The following DDX1 variants were observed in gnomAD, a reference collection of about 807,000 sequenced individuals.
DDX1 encodes DEAD-box helicase 1, also known as ATP-dependent RNA helicase DDX1.
DDX1 carries 28 observed loss-of-function variants against 108.7 expected under a neutral mutation model. The observed-to-expected ratio is 0.26, with a 90% CI of 0.19 to 0.35. DDX1 has a LOEUF of 0.35. DDX1 is among the 10% of genes least tolerant of loss of function. DDX1 has a pLI of 1.00. For synonymous variants in DDX1, 295 were observed against 288.9 expected (o/e 1.02, Z -0.21); for missense variants, 710 against 884.5 (o/e 0.80, Z 2.50).
intron 6 of DDX1, among the ~76,000 whole-genome samples, chr2:15,600,393 T>G (rs1665570971): frequency 6.6e-6 from 1 of 152,228 alleles, no homozygotes; most frequent in Non-Finnish European, 1.5e-5. Context: ...AAGCAGTTAC[T>G]CTCAGAATGC....
At position 15,597,304 on chromosome 2, in the gene DDX1, C is replaced by G. The variant is rs543740796; in HGVS notation, c.163-71C>G. 5.2e-6 allele frequency: 5 copies of G among 969,304 alleles called. No homozygotes were observed. The African/African-American group carries it at 8.5e-5, about 16-fold the overall frequency. 60.0% of individuals were successfully genotyped at this position (969,304 alleles called of 1,614,324 possible). A position where few individuals can be genotyped will look rare whatever the true frequency, so the allele number is the denominator to read the frequency against. The stretch of plus-strand genomic sequence containing the variant: ...GTTGATGTGTGTGCATAACTTTTGT[C>G]ATTTATATTGGTTATTAAATTGTCG... On this transcript the variant is annotated intron_variant, in intron 4 of 25. Coordinates refer to ENST00000233084, the MANE Select transcript of DDX1 (RefSeq NM_004939.3).
At position 15,595,583 on chromosome 2, in the gene DDX1, A is replaced by G. The variant is rs372084715; in HGVS notation, c.132+30A>G. The stretch of plus-strand genomic sequence containing the variant: ...GTTTAAATTTGGTGAGGTGATTGGT[A>G]GCTGGGGACACACTCTAAGAATTGC... On this transcript the variant is annotated intron_variant, in intron 3 of 25. Coordinates refer to ENST00000233084, the MANE Select transcript of DDX1 (RefSeq NM_004939.3). 1.6e-4 allele frequency: 231 copies of G among 1,449,272 alleles called. 3 individuals are homozygous for G. The highest frequency in any genetic ancestry group is 2.2e-4 in the South Asian group (19 of 87,448). 89.8% of individuals were successfully genotyped at this position (1,449,272 alleles called of 1,614,324 possible). A position where few individuals can be genotyped will look rare whatever the true frequency, so the allele number is the denominator to read the frequency against.
In DDX1 at chr2:15,628,826, C is replaced by G. The variant is rs1666143469; in HGVS notation, c.1862C>G (p.Thr621Arg). 6.2e-7 allele frequency: 1 copy of G among 1,613,348 alleles called. No homozygotes were observed. The highest frequency in any genetic ancestry group is 1.3e-5 in the African/African-American group (1 of 74,960). ...RMGLAISLVA[T>R]EKEKVWYHVC... ...GGTCTGGCAATTTCCCTGGTGGCAA[C>G]AGAAAAAGAAAAGGTAATCTTTGTA... Residue 621 changes from threonine to arginine, a missense_variant, in exon 23 of 26, where the codon ACA (threonine) becomes AGA (arginine). By Grantham distance (71) the Thr-to-Arg change is moderately conservative. This residue lies in a region of DDX1 where 661 missense variants were observed against 810.2 expected (regional missense o/e 0.82). Transcript: ENST00000233084.
At chr2:15,616,408 T>C (rs182318448) in intron 14 of DDX1, among the ~76,000 whole-genome samples, 285 of 147,512 alleles carry the variant, frequency 1.9e-3, no homozygotes, top group African/African-American at 6.8e-3. Flanking sequence ...ATACAACTCA[T>C]AGGTAGAACT....
rs898170876 is a variant in DDX1, at chr2:15,595,556, A to G, written c.132+3A>G. 5 of 1,603,292 alleles carry G rather than the reference A, an allele frequency of 3.1e-6. No individual in the cohort carries two copies. Among genetic ancestry groups the G allele is most frequent in the African/African-American group, 1.3e-5 (1 of 74,878 alleles). ...TAGGAGGAGGTGATGTACTTATGGT[A>G]AGTTTAAATTTGGTGAGGTGATTGG... On this transcript the variant is annotated splice_donor_region_variant and intron_variant, in intron 3 of 25. Transcript: ENST00000233084.
intron 13 of DDX1, among the ~76,000 whole-genome samples, chr2:15,611,778 G>T (rs1316103978): frequency 1.9e-5 from 2 of 104,628 alleles, no homozygotes; most frequent in Non-Finnish European, 3.8e-5. Context: ...GTGGCTGGCC[G>T]GGCGGGGGGC....
chr2:15,620,534 T>A, intron 17 of DDX1, 138 bp downstream of exon 17: 1 of 587,630 alleles, frequency 1.7e-6, no homozygotes, highest in East Asian at 2.9e-5. Flanking sequence ...CCCTTAGACC[T>A]TTAAAAAGCA....
chr2:15,592,713 A>G (rs1171439501), intron 1 of DDX1, among the ~76,000 whole-genome samples: 2 of 152,162 alleles, frequency 1.3e-5, no homozygotes, highest in African/African-American at 4.8e-5. Context: ...TCAGCCTTAA[A>G]TGCGCTAAAC....
intron 19 of DDX1, among the ~76,000 whole-genome samples, chr2:15,624,422 A>AT (rs1304009877): frequency 1.3e-5 from 2 of 152,296 alleles, no homozygotes; most frequent in East Asian, 3.9e-4. Flanking sequence ...AGGCTGGGTA[A>AT]TTTATAAAGG....
chr2:15,608,322 G>A (rs556082603), intron 13 of DDX1, among the ~76,000 whole-genome samples: 1 of 152,250 alleles, frequency 6.6e-6, no homozygotes, highest in East Asian at 1.9e-4. Flanking sequence ...GAGGTCAGGA[G>A]TTCAAGACCA....
At chr2:15,621,940 C>G (rs1262476009) in intron 18 of DDX1, among the ~76,000 whole-genome samples, 1 of 152,222 alleles carries the variant, frequency 6.6e-6, no homozygotes, top group Non-Finnish European at 1.5e-5. Context: ...AGGCGTGAGC[C>G]ACTGCACCCA....
intron 4 of DDX1, among the ~76,000 whole-genome samples, chr2:15,596,973 G>A (rs142503125): frequency 1.1e-4 from 17 of 152,284 alleles, no homozygotes; most frequent in African/African-American, 3.1e-4. Context: ...TTAAATGGGC[G>A]TTAGAGAGTT....
rs1666043383 is a variant in DDX1 at position 15,623,430 on chromosome 2, T to G, written c.1448-6T>G. The G allele has an allele frequency of 6.2e-7, 1 of 1,613,006 alleles. No individual in the cohort carries two copies. Among genetic ancestry groups the G allele is most frequent in the East Asian group, 2.2e-5 (1 of 44,780 alleles). On this transcript the variant is annotated splice_polypyrimidine_tract_variant and splice_region_variant and intron_variant, in intron 18 of 25. Transcript: ENST00000233084. The stretch of plus-strand genomic sequence containing the variant: ...GTTGGTTTTTGTTGTTGTTATGATA[T>G]TCAAGAGATGTGGTCTGAAGCTATT...
chr2:15,619,757 C>A (rs956323469), intron 16 of DDX1, among the ~76,000 whole-genome samples: 1 of 152,204 alleles, frequency 6.6e-6, no homozygotes, highest in Non-Finnish European at 1.5e-5. Flanking sequence ...TTCTTAGTTA[C>A]TTTGTCCTGT....
intron 13 of DDX1, among the ~76,000 whole-genome samples, chr2:15,611,534 C>T (rs1398442226): frequency 7.0e-6 from 1 of 142,164 alleles, no homozygotes; most frequent in Non-Finnish European, 1.5e-5. Context: ...CACCTCCCTC[C>T]CGGACGGGGC....
chr2:15,617,167 CA>C, intron 14 of DDX1, 76 bp from the exon 15 acceptor site: 1 of 589,160 alleles, frequency 1.7e-6, no homozygotes. Context: ...ATTAAAAAGA[CA>C]GTTATTGGTT....
At position 15,595,428 on chromosome 2, in the gene DDX1, T is replaced by G. The variant is rs932503580; in HGVS notation, c.69-62T>G. Reference sequence around the variant, plus strand: ...TTTCTTTTAGGCAAATTAACGTGACTTAATTTGCTTAGGCGATTTTTTTCC... The same window carrying G: ...TTTCTTTTAGGCAAATTAACGTGACGTAATTTGCTTAGGCGATTTTTTTCC... On this transcript the variant is annotated intron_variant, in intron 2 of 25. Coordinates refer to ENST00000233084, the MANE Select transcript of DDX1 (RefSeq NM_004939.3). The G allele has an allele frequency of 1.2e-4, 162 of 1,386,792 alleles. 4 individuals are homozygous for G. The Admixed American group carries it at 2.7e-3, about 23-fold the overall frequency. The allele number at this position is 1,386,792 out of a possible 1,614,324, so 85.9% of individuals were successfully genotyped here.
chr2:15,614,618 G>C (rs1665863045), intron 14 of DDX1, among the ~76,000 whole-genome samples: 1 of 152,174 alleles, frequency 6.6e-6, no homozygotes, highest in Non-Finnish European at 1.5e-5. Flanking sequence ...TATTGCAGGA[G>C]TTTCGGCCCG....
chr2:15,609,670 A>G (rs1314526400), intron 13 of DDX1, among the ~76,000 whole-genome samples: 1 of 152,158 alleles, frequency 6.6e-6, no homozygotes, highest in Non-Finnish European at 1.5e-5. Context: ...TATCATGTGT[A>G]TGTGTGTTTA....
Sources: gnomAD v4.1 joint callset for allele counts (sites outside exome capture counted in the v4.1 genomes callset) on GRCh38, gnomAD v4.1.1 for gene constraint, gnomAD v4.1.1 regional missense constraint, MANE v1.5 for transcripts, NCBI Gene and HGNC (gene_info 2026-07-23, HGNC 2026-07-21) for gene names.